RCAN1: variants seen among roughly 807,000 people sequenced by gnomAD.
RCAN1 encodes calcipressin-1.
Under a neutral mutation model 22.9 loss-of-function variants are expected in RCAN1, and 11 were observed. The observed-to-expected ratio is 0.48, with a 90% CI of 0.30 to 0.79. RCAN1 has a LOEUF of 0.79. Among genes scored for constraint, RCAN1 ranks in the 30% least tolerant of loss-of-function variants. The pLI, the probability that RCAN1 is intolerant of heterozygous loss-of-function variation, is 0.06. For synonymous variants in RCAN1, 136 were observed against 142.3 expected, an observed-to-expected ratio of 0.96 and a Z score of 0.32; for missense variants, 291 against 337.8, an observed-to-expected ratio of 0.86 and a Z score of 1.09.
At chr21:34,533,122 G>A (rs1469692033) in intron 1 of RCAN1, among the ~76,000 whole-genome samples, 9 of 151,470 alleles carry the variant, frequency 5.9e-5, no homozygotes, top group East Asian at 3.9e-4. Flanking sequence ...CACCACGCCC[G>A]GCTAATTTTT....
chr21:34,554,464 G>T (rs1287150596), intron 1 of RCAN1, among the ~76,000 whole-genome samples: 1 of 152,172 alleles, frequency 6.6e-6, no homozygotes, highest in Non-Finnish European at 1.5e-5. Context: ...GTGAGAGGCG[G>T]ATCAGGAATT....
intron 1 of RCAN1, among the ~76,000 whole-genome samples, chr21:34,579,919 C>T (rs537647369): frequency 6.6e-6 from 1 of 152,256 alleles, no homozygotes; most frequent in East Asian, 1.9e-4. Context: ...TTTAAAATTG[C>T]CTTTCCACTC....
At chr21:34,610,253 A>G (rs867486321) in intron 1 of RCAN1, among the ~76,000 whole-genome samples, 3 of 152,340 alleles carry the variant, frequency 2.0e-5, no homozygotes, top group East Asian at 1.9e-4. Flanking sequence ...AAACACTTCA[A>G]TCATCAAATT....
intron 1 of RCAN1, among the ~76,000 whole-genome samples, chr21:34,543,469 C>A (rs570562032): frequency 1.3e-5 from 2 of 152,190 alleles, no homozygotes; most frequent in African/African-American, 4.8e-5. Context: ...GTAACGCAGC[C>A]AGGCTGACAC....
chr21:34,612,361 C>A (rs1023740698), intron 1 of RCAN1, among the ~76,000 whole-genome samples: 1 of 152,222 alleles, frequency 6.6e-6, no homozygotes, highest in African/African-American at 2.4e-5. Context: ...GTTCACCCTG[C>A]ACTGGAGCTT....
intron 1 of RCAN1, among the ~76,000 whole-genome samples, chr21:34,580,825 A>G (rs1188196127): frequency 6.6e-6 from 1 of 152,196 alleles, no homozygotes; most frequent in South Asian, 2.1e-4. Flanking sequence ...GGACCCTGTG[A>G]TATCCCTCCT....
At chr21:34,613,293 T>A (rs1459927048) in intron 1 of RCAN1, among the ~76,000 whole-genome samples, 1 of 152,260 alleles carries the variant, frequency 6.6e-6, no homozygotes, top group Admixed American at 6.5e-5. Flanking sequence ...TACTTTCTGA[T>A]ACATTTGATA....
chr21:34,612,141 T>C (rs570039567), intron 1 of RCAN1, among the ~76,000 whole-genome samples: 49 of 152,306 alleles, frequency 3.2e-4, no homozygotes, highest in African/African-American at 1.1e-3. Flanking sequence ...CCCTGGATGA[T>C]GGCAACAGCC....
intron 1 of RCAN1, among the ~76,000 whole-genome samples, chr21:34,582,167 A>C (rs1322109256): frequency 1.3e-5 from 2 of 152,196 alleles, no homozygotes; most frequent in African/African-American, 4.8e-5. Flanking sequence ...AATGTCATTT[A>C]TCAATTTAAT....
intron 1 of RCAN1, among the ~76,000 whole-genome samples, chr21:34,582,938 G>A (rs1489150666): frequency 1.3e-5 from 2 of 152,188 alleles, no homozygotes; most frequent in East Asian, 1.9e-4. Context: ...GGAGATGGAG[G>A]CTGATGCCAT....
At position 34,518,740 on chromosome 21, in the gene RCAN1, C is replaced by T. The variant is rs965048308; in HGVS notation, c.587-484G>A. On this transcript the variant is annotated intron_variant, in intron 3 of 3. Coordinates refer to ENST00000313806, the MANE Select transcript of RCAN1 (RefSeq NM_004414.7). This position sits in a 1 kb window ranked among gnomAD's most constrained non-coding sequence, Gnocchi z 4.2. ...GCGCCACAGGAGGCCCTGCAGCAGACGCAGGGGTGGCTGCACGGAGCCAGG... is the reference window on the plus strand; with the variant it reads ...GCGCCACAGGAGGCCCTGCAGCAGATGCAGGGGTGGCTGCACGGAGCCAGG... Among the ~76,000 whole-genome samples, 1 of 152,202 alleles carries T rather than the reference C, an allele frequency of 6.6e-6. No homozygotes were observed. Among genetic ancestry groups the T allele is most frequent in the South Asian group, 2.1e-4 (1 of 4,830 alleles).
intron 1 of RCAN1, among the ~76,000 whole-genome samples, chr21:34,608,853 G>A (rs755133625): frequency 3.9e-5 from 6 of 152,160 alleles, no homozygotes; most frequent in East Asian, 1.9e-4. Flanking sequence ...CCAAGGCATC[G>A]GTAGGATAAA....
At chr21:34,591,607 G>A (rs1987976059) in intron 1 of RCAN1, among the ~76,000 whole-genome samples, 1 of 152,182 alleles carries the variant, frequency 6.6e-6, no homozygotes, top group African/African-American at 2.4e-5. Flanking sequence ...GCTGAGCTTT[G>A]AGTGCAACTA....
rs140875186 is a variant in RCAN1 at position 34,565,293 on chromosome 21, C to T, written c.253-41583G>A. ...TCACTTTTATCATATTATGTTTATCCGTTGGCAACAGGTTGGAAATTTAAA... is the reference window on the plus strand; with the variant it reads ...TCACTTTTATCATATTATGTTTATCTGTTGGCAACAGGTTGGAAATTTAAA... On this transcript the variant is annotated intron_variant, in intron 1 of 3. Transcript: ENST00000313806. Among the ~76,000 whole-genome samples the T allele has an allele frequency of 2.9e-3, 435 of 152,280 alleles. 1 individual carries two copies. The highest frequency in any genetic ancestry group is 9.4e-3 in the African/African-American group (392 of 41,544).
intron 1 of RCAN1, among the ~76,000 whole-genome samples, chr21:34,529,224 T>G (rs1259984611): frequency 6.6e-6 from 1 of 152,192 alleles, no homozygotes; most frequent in Non-Finnish European, 1.5e-5. Flanking sequence ...GTTCACAAAT[T>G]GTACCAGAGC....
At chr21:34,549,308 G>T (rs1214474047) in intron 1 of RCAN1, among the ~76,000 whole-genome samples, 1 of 152,178 alleles carries the variant, frequency 6.6e-6, no homozygotes, top group Non-Finnish European at 1.5e-5. Context: ...TGTAAAATCT[G>T]CCATGCAGGC....
intron 1 of RCAN1, among the ~76,000 whole-genome samples, chr21:34,597,310 G>T (rs1464654584): frequency 6.6e-6 from 1 of 152,178 alleles, no homozygotes; most frequent in African/African-American, 2.4e-5. Context: ...TAAAAGTTCA[G>T]TTCCTCAGTC....
At chr21:34,592,948 G>C (rs927148062) in intron 1 of RCAN1, among the ~76,000 whole-genome samples, 2 of 152,180 alleles carry the variant, frequency 1.3e-5, no homozygotes, top group African/African-American at 2.4e-5. Flanking sequence ...AAAGAGGATG[G>C]GGAGCTGGAC....
At chr21:34,586,133 T>C (rs1188886647) in intron 1 of RCAN1, among the ~76,000 whole-genome samples, 1 of 152,160 alleles carries the variant, frequency 6.6e-6, no homozygotes, top group Non-Finnish European at 1.5e-5. Context: ...CTGATAAGAA[T>C]AGACGAAATT....
Sources: allele counts gnomAD v4.1 joint callset (sites outside exome capture counted in the v4.1 genomes callset), GRCh38; gene constraint gnomAD v4.1.1; non-coding constraint Gnocchi (gnomAD v3.1); transcripts MANE v1.5; gene names NCBI Gene and HGNC (gene_info 2026-07-23, HGNC 2026-07-21).